ABCA13: variants seen among roughly 807,000 people sequenced by gnomAD.
ABCA13 encodes ATP binding cassette subfamily A member 13.
Under a neutral mutation model 478.7 loss-of-function variants are expected in ABCA13, and 476 were observed. The observed-to-expected ratio is 0.99, with a 90% CI of 0.92 to 1.07. ABCA13 has a LOEUF of 1.07. Among genes scored for constraint, ABCA13 ranks in the 50% least tolerant of loss-of-function variants. The pLI, the probability that ABCA13 is intolerant of heterozygous loss-of-function variation, is 0.00. For synonymous variants in ABCA13, 2,252 were observed against 2,158.9 expected, an observed-to-expected ratio of 1.04 and a Z score of -1.20; for missense variants, 6,060 against 5,910.6, an observed-to-expected ratio of 1.03 and a Z score of -0.83.
chr7:48,630,455 C>A (rs1188391676), intron 59 of ABCA13, among the ~76,000 whole-genome samples: 1 of 152,114 alleles, frequency 6.6e-6, no homozygotes. Flanking sequence ...GGTTAATGGG[C>A]CCCAGCTCCA....
In ABCA13 at chr7:48,403,733, C is replaced by G. The variant is rs774806006; in HGVS notation, c.11924C>G (p.Ala3975Gly). The change falls in exon 39 of 62, where the codon GCT (alanine) becomes GGT (glycine). Residue 3975 changes from alanine (A) to glycine (G), a missense_variant. Around this residue, in one of 3 missense-constraint regions of ABCA13, gnomAD observed 1,627 missense variants for 1,571.0 expected, o/e 1.04. Transcript: ENST00000435803. ...CAGCATCAGCACAAACAGACCCGAG[C>G]TCTGTCTGGAGGCCTGAAGAGGAAG... ...LTQHQHKQTR[A>G]LSGGLKRKLS... The G allele has an allele frequency of 1.2e-6, 2 of 1,613,880 alleles. No homozygotes were observed. Among genetic ancestry groups the G allele is most frequent in the Non-Finnish European group, 1.7e-6 (2 of 1,179,880 alleles).
rs369608294 is a variant in ABCA13 at position 48,272,011 on chromosome 7, A to G, written c.2345A>G (p.Lys782Arg). The change falls in exon 17 of 62, where the codon AAG becomes AGG. Residue 782 changes from lysine (K) to arginine (R), a missense_variant. Physicochemically the swap from Lys to Arg is conservative, Grantham distance 26. This residue lies in a region of ABCA13 where 4,423 missense variants were observed against 4,309.1 expected (regional missense o/e 1.03). Transcript: ENST00000435803. Reference sequence around the variant, plus strand: ...TGGACAAATCATTTAAAAAGTTTAAAGAGAGACCCATCTGCCACTGATGCT... The same window carrying G: ...TGGACAAATCATTTAAAAAGTTTAAGGAGAGACCCATCTGCCACTGATGCT... ...SLWTNHLKSL[K>R]RDPSATDAQK... The G allele has an allele frequency of 1.2e-6, 2 of 1,613,680 alleles. No individual in the cohort carries two copies. The highest frequency in any genetic ancestry group is 2.7e-5 in the African/African-American group (2 of 75,042).
Position 48,245,918 on chromosome 7 carries a change from T to G in ABCA13, c.1547T>G (p.Phe516Cys). The change falls in exon 13 of 62, where the codon TTT (phenylalanine) becomes TGT (cysteine). Residue 516 changes from phenylalanine to cysteine, a missense_variant. Phe to Cys is a radical substitution (Grantham distance 205). Coordinates refer to ENST00000435803, the MANE Select transcript of ABCA13 (RefSeq NM_152701.5). Reference protein sequence around the residue: ...PNGRFSEKEVFLPPGNSSIWG... With the variant: ...PNGRFSEKEVCLPPGNSSIWG... ...GGTCGTTTCTCTGAGAAGGAGGTCT[T>G]TTTGCCGCCTGGAAACTCCAGCATA... 6.2e-7 allele frequency: 1 copy of G among 1,613,768 alleles called. No homozygotes were observed. Among genetic ancestry groups the G allele is most frequent in the Non-Finnish European group, 8.5e-7 (1 of 1,179,794 alleles).
chr7:48,596,778 T>C (rs546431419), intron 58 of ABCA13, among the ~76,000 whole-genome samples: 1 of 149,996 alleles, frequency 6.7e-6, no homozygotes, highest in East Asian at 2.0e-4. Context: ...AGCCTGGGCG[T>C]CAGAGCAAGA....
chr7:48,312,997 A>G, intron 24 of ABCA13, 70 bp from the exon 25 acceptor site: 1 of 1,433,216 alleles, frequency 7.0e-7, no homozygotes, highest in Non-Finnish European at 9.2e-7. Context: ...CACAGCTCAA[A>G]AGATGCTTCT....
intron 57 of ABCA13, among the ~76,000 whole-genome samples, chr7:48,590,167 T>C (rs984428196): frequency 9.2e-5 from 14 of 152,132 alleles, no homozygotes; most frequent in African/African-American, 3.1e-4. Flanking sequence ...TGTTTTTCCA[T>C]GCATGGCTTA....
intron 22 of ABCA13, among the ~76,000 whole-genome samples, 185 bp downstream of exon 22, chr7:48,297,496 T>G (rs552561812): frequency 5.9e-5 from 9 of 152,208 alleles, no homozygotes; most frequent in Non-Finnish European, 1.0e-4. Flanking sequence ...TAGGGTACCA[T>G]GTTGAAGCAG....
chr7:48,258,401 TA>T (rs1002710879), intron 15 of ABCA13, among the ~76,000 whole-genome samples: 6 of 151,912 alleles, frequency 3.9e-5, no homozygotes, highest in East Asian at 1.9e-4. Flanking sequence ...TTGAGGCTTT[TA>T]AAAAAAAATT....
chr7:48,281,343 T>C lies in ABCA13; in HGVS notation c.8727T>C (p.Ser2909=). Residue 2909 remains serine, a splice_region_variant and synonymous_variant, in exon 19 of 62, where the codon AGT becomes AGC. Transcript: ENST00000435803. Reference sequence around the variant, plus strand: ...TCATTGTATATATTTTTTTGCTAAGTGTTGTTGAGATTTGTGAAGTTTTCC... The same window carrying C: ...TCATTGTATATATTTTTTTGCTAAGCGTTGTTGAGATTTGTGAAGTTTTCC... ...YWQQIPLTDQ[S]VVEICEVFQQ... is the part of the protein sequence containing the mutation. 1.9e-6 allele frequency: 3 copies of C among 1,596,422 alleles called. No homozygotes were observed. The highest frequency in any genetic ancestry group is 2.6e-6 in the Non-Finnish European group (3 of 1,171,222).
intron 55 of ABCA13, among the ~76,000 whole-genome samples, chr7:48,556,687 A>C (rs1354178314): frequency 6.6e-6 from 1 of 151,946 alleles, no homozygotes; most frequent in East Asian, 1.9e-4. Flanking sequence ...TTTTCAGTCT[A>C]TGTGTATTTT....
intron 31 of ABCA13, 93 bp downstream of exon 31, chr7:48,352,580 C>T: frequency 7.3e-7 from 1 of 1,378,860 alleles, no homozygotes; most frequent in Non-Finnish European, 9.6e-7. Flanking sequence ...ATGGTTATTT[C>T]AAAAAGCACT....
chr7:48,609,587 T>A (rs1406348377), intron 58 of ABCA13, among the ~76,000 whole-genome samples: 4 of 152,146 alleles, frequency 2.6e-5, no homozygotes, highest in African/African-American at 9.6e-5. Context: ...ACTAAGGGAG[T>A]TGAAATCAGT....
intron 3 of ABCA13, among the ~76,000 whole-genome samples, chr7:48,203,333 C>T (rs1562771118): frequency 1.3e-5 from 2 of 152,358 alleles, no homozygotes; most frequent in East Asian, 1.9e-4. Context: ...GAGTGGGCTC[C>T]GGCCTTGGCC....
intron 1 of ABCA13, among the ~76,000 whole-genome samples, chr7:48,171,814 A>T (rs1794105311): frequency 6.6e-6 from 1 of 152,240 alleles, no homozygotes; most frequent in East Asian, 1.9e-4. Context: ...AAACAAACAA[A>T]AAAGCAGGTG....
At chr7:48,564,675 A>G (rs1244770346) in intron 55 of ABCA13, among the ~76,000 whole-genome samples, 2 of 151,816 alleles carry the variant, frequency 1.3e-5, no homozygotes, top group Non-Finnish European at 2.9e-5. Flanking sequence ...AAAATTTCTT[A>G]TATAATTAAA....
At chr7:48,325,711 G>A (rs571861399) in intron 27 of ABCA13, among the ~76,000 whole-genome samples, 2 of 152,238 alleles carry the variant, frequency 1.3e-5, no homozygotes, top group South Asian at 2.1e-4. Context: ...GAGTAATGGT[G>A]GATTGGTTAT....
intron 51 of ABCA13, among the ~76,000 whole-genome samples, chr7:48,512,213 A>G (rs1273797422): frequency 3.3e-5 from 5 of 152,188 alleles, no homozygotes; most frequent in African/African-American, 1.2e-4. Flanking sequence ...ACTAACCCCA[A>G]TGCTGTAGCT....
At chr7:48,579,185 C>G (rs6977751) in intron 55 of ABCA13, among the ~76,000 whole-genome samples, 14,448 of 152,152 alleles carry the variant, frequency 0.095, 1,170 homozygotes, top group African/African-American at 0.22. Context: ...ACTGTTAAGA[C>G]ATTAAAAAGT....
At chr7:48,406,241 G>T (rs1818241711) in intron 39 of ABCA13, among the ~76,000 whole-genome samples, 2 of 152,162 alleles carry the variant, frequency 1.3e-5, no homozygotes, top group Non-Finnish European at 2.9e-5. Flanking sequence ...AAATACCGGT[G>T]AAAACTGGCA....
Sources: gnomAD v4.1 joint callset for allele counts (sites outside exome capture counted in the v4.1 genomes callset) on GRCh38, gnomAD v4.1.1 for gene constraint, gnomAD v4.1.1 regional missense constraint, MANE v1.5 for transcripts, NCBI Gene and HGNC (gene_info 2026-07-23, HGNC 2026-07-21) for gene names.